Variants in CYB5R1 observed in about 807,000 individuals in gnomAD.
The protein encoded by CYB5R1 is cytochrome b5 reductase 1, also known as NADH-cytochrome b5 reductase 1.
In CYB5R1, 32 loss-of-function variants were observed where a neutral mutation model predicts 37.4. The ratio of observed to expected loss-of-function variants is 0.86; its 90% confidence interval spans 0.65 to 1.15. CYB5R1 has a LOEUF of 1.15. CYB5R1 is among the 50% of genes most tolerant of loss of function. CYB5R1 has a pLI of 0.00. For missense variants in CYB5R1, 345 were observed against 382.5 expected, an observed-to-expected ratio of 0.90 and a Z score of 0.82; for synonymous variants, 159 against 155.2, an observed-to-expected ratio of 1.02 and a Z score of -0.18.
At chr1:202,965,628 TC>T (rs2102504232) in intron 4 of CYB5R1, 128 bp from the exon 5 acceptor site, 1 of 870,638 alleles carries the variant, frequency 1.1e-6, no homozygotes, top group Non-Finnish European at 1.6e-6. Flanking sequence ...CTACATACTT[TC>T]TTTCTTTCTT....
At chr1:202,963,556 G>A in intron 7 of CYB5R1, 86 bp downstream of exon 7, 1 of 988,758 alleles carries the variant, frequency 1.0e-6, no homozygotes, top group South Asian at 1.6e-5. Context: ...CAGGGCACTG[G>A]GCCAGTTCTG....
Position 202,963,624 on chromosome 1 carries a change from G to A in CYB5R1, c.645+18C>T, listed in dbSNP as rs1371971763. On this transcript the variant is annotated intron_variant, in intron 7 of 8. Transcript: ENST00000367249. ...CACAGCAACTTTGAAGTCTTAGGGT[G>A]GAGGAAAACAAACCAACCTGGTTGG... 1 of 1,574,538 alleles carries A rather than the reference G, an allele frequency of 6.4e-7. No individual in the cohort carries two copies. The highest frequency in any genetic ancestry group is 8.7e-7 in the Non-Finnish European group (1 of 1,151,752).
In CYB5R1 at chr1:202,962,604, G is replaced by A. The variant is rs1465257097; in HGVS notation, c.841C>T (p.Pro281Ser). ...TGGCAGGCCAGCTGCACCATTGGGG[G>A]TGGCCCACAAAGCAGTACCAGCACA... ...DDVLVLLCGPPPMVQLACHPN... is the reference protein window; with the variant it reads ...DDVLVLLCGPSPMVQLACHPN... The change falls in exon 9 of 9, where the codon CCC becomes TCC. Residue 281 changes from proline to serine, a missense_variant. By Grantham distance (74) the Pro-to-Ser change is moderately conservative. Transcript: ENST00000367249. 2 of 1,614,108 alleles carry A rather than the reference G, an allele frequency of 1.2e-6. No homozygotes were observed. Among genetic ancestry groups the A allele is most frequent in the Admixed American group, 1.7e-5 (1 of 59,978 alleles).
intron 7 of CYB5R1, 124 bp from the exon 8 acceptor site, chr1:202,963,289 A>G: frequency 4.4e-6 from 3 of 678,660 alleles, no homozygotes; most frequent in Middle Eastern, 3.3e-4. Context: ...TCTAGGAAAT[A>G]AGCAAGACTT....
At position 202,963,693 on chromosome 1, in the gene CYB5R1, G is replaced by T; in HGVS notation, c.594C>A (p.Ile198=). Residue 198 remains isoleucine (I), a synonymous_variant, in exon 7 of 9, where the codon ATC becomes ATA. Coordinates refer to ENST00000367249, the MANE Select transcript of CYB5R1 (RefSeq NM_016243.3). ...ITPMLQLIRA[I]LKVPEDPTQC... ...GGGTTGGATCTTCAGGGACTTTCAG[G>T]ATGGCCCGGATCAGCTGTAGCATTG... is the stretch of plus-strand genomic sequence containing the variant. 1 of 1,610,584 alleles carries T rather than the reference G, an allele frequency of 6.2e-7. No homozygotes were observed. Among genetic ancestry groups the T allele is most frequent in the Non-Finnish European group, 8.5e-7 (1 of 1,178,274 alleles).
chr1:202,962,413 C>T lies in CYB5R1; in HGVS notation c.*114G>A, dbSNP rs985837930. 6.2e-6 allele frequency: 8 copies of T among 1,282,680 alleles called. No homozygotes were observed. The African/African-American group carries it at 1.2e-4, about 19-fold the overall frequency. 79.5% of individuals were successfully genotyped at this position (1,282,680 alleles called of 1,614,324 possible). ...TGCAGGTACTATCCAGATTTCAGCT[C>T]TAGATGTAACTGAAAAAACCTGAAA... On this transcript the variant is annotated 3_prime_UTR_variant, in exon 9 of 9. Transcript: ENST00000367249.
At chr1:202,964,511 C>T in intron 6 of CYB5R1, 101 bp downstream of exon 6, 1 of 924,858 alleles carries the variant, frequency 1.1e-6, no homozygotes, top group Non-Finnish European at 1.8e-6. Flanking sequence ...CCCTGATGAA[C>T]AACAGCTTGG....
Position 202,963,085 on chromosome 1 carries a change from A to G in CYB5R1, c.726T>C (p.Thr242=). 1 of 1,614,114 alleles carries G rather than the reference A, an allele frequency of 6.2e-7. No homozygotes were observed. The highest frequency in any genetic ancestry group is 1.1e-5 in the South Asian group (1 of 91,088). Residue 242 remains threonine (T), a synonymous_variant, in exon 8 of 9, where the codon ACT becomes ACC. Transcript: ENST00000367249. ...RYPNRFKLWF[T]LDHPPKDWAY... is the part of the protein sequence containing the mutation. ...GGATACCTTTTGGGGGATGATCCAG[A>G]GTGAACCAGAGCTTAAAGCGATTGG...
intron 1 of CYB5R1, 92 bp downstream of exon 1, chr1:202,967,087 CCTGCGGGGCGGG>C: frequency 6.7e-7 from 1 of 1,492,956 alleles, no homozygotes; most frequent in Non-Finnish European, 9.2e-7. Context: ...GGCCCAGAGC[CCTGCGGGGCGGG>C]GTCGGCAGCG....
intron 3 of CYB5R1, 90 bp from the exon 4 acceptor site, chr1:202,966,083 C>T: frequency 6.7e-6 from 6 of 890,936 alleles, no homozygotes; most frequent in Non-Finnish European, 1.1e-5. Context: ...AACAAGATGT[C>T]TTGCTTCCTG....
chr1:202,965,613 C>T, intron 4 of CYB5R1, 113 bp from the exon 5 acceptor site: 1 of 1,193,754 alleles, frequency 8.4e-7, no homozygotes, highest in Non-Finnish European at 1.2e-6. Context: ...CTATCTTTTC[C>T]CCGTCTACAT....
chr1:202,965,633 CTTTCTT>C (rs771610668), intron 4 of CYB5R1, 133 bp from the exon 5 acceptor site: 13 of 805,562 alleles, frequency 1.6e-5, no homozygotes, highest in Non-Finnish European at 2.3e-5. Flanking sequence ...TACTTTCTTT[CTTTCTT>C]TTTTTTTTTT....
At position 202,967,225 on chromosome 1, in the gene CYB5R1, C is replaced by A; in HGVS notation, c.-20G>T. On this transcript the variant is annotated 5_prime_UTR_variant, in exon 1 of 9. Transcript: ENST00000367249. ...CCCCATGACGGAGCGCCTTTTCCTC[C>A]ACCACCTGACAAGCCGACAGATCCC... 6.2e-7 allele frequency: 1 copy of A among 1,610,442 alleles called. No individual in the cohort carries two copies. The highest frequency in any genetic ancestry group is 8.5e-7 in the Non-Finnish European group (1 of 1,178,618).
chr1:202,965,662 TGCTCTTGCTGCCCAG>T (rs1655076042), intron 4 of CYB5R1, among the ~76,000 whole-genome samples, 162 bp from the exon 5 acceptor site: 1 of 151,274 alleles, frequency 6.6e-6, no homozygotes, highest in African/African-American at 2.4e-5. Flanking sequence ...GTCAGAGTTT[TGCTCTTGCTGCCCAG>T]GCTTGAGTGC....
rs761262526 is a variant in CYB5R1, at chr1:202,962,709, G to A, written c.746-10C>T. ...TTGCTGTAGGCCCAATCTGAAGTATGGGGAGAAGAAAGTACTTAATACTCC... is the reference window on the plus strand; with the variant it reads ...TTGCTGTAGGCCCAATCTGAAGTATAGGGAGAAGAAAGTACTTAATACTCC... On this transcript the variant is annotated splice_polypyrimidine_tract_variant and intron_variant, in intron 8 of 8. Transcript: ENST00000367249. 3 of 1,613,800 alleles carry A rather than the reference G, an allele frequency of 1.9e-6. No homozygotes were observed. In the African/African-American group the frequency reaches 4.0e-5, roughly 22 times the overall value.
Position 202,963,096 on chromosome 1 carries a change from G to A in CYB5R1, c.715C>T (p.Leu239Phe), listed in dbSNP as rs761540645. ...LQARYPNRFK[L>F]WFTLDHPPKD... ...GGGGGATGATCCAGAGTGAACCAGA[G>A]CTTAAAGCGATTGGGATAGCGGGCC... The change falls in exon 8 of 9, where the codon CTC becomes TTC. Residue 239 changes from leucine to phenylalanine, a missense_variant. By Grantham distance (22) the Leu-to-Phe change is conservative (BLOSUM62 0). Transcript: ENST00000367249. 2 of 1,614,160 alleles carry A rather than the reference G, an allele frequency of 1.2e-6. No homozygotes were observed. The highest frequency in any genetic ancestry group is 2.2e-5 in the East Asian group (1 of 44,886).
intron 7 of CYB5R1, chr1:202,963,411 CA>C: frequency 1.7e-6 from 1 of 593,544 alleles, no homozygotes; most frequent in Non-Finnish European, 3.0e-6. Context: ...TTCTGTGCTC[CA>C]GACTAGATAC....
chr1:202,964,415 T>G lies in CYB5R1; in HGVS notation c.559+197A>C. ...AGCTCATTTAATTTGTTTCTCTAAT[T>G]CCATCAGTTAAAATTTTTTTTGGTT... On this transcript the variant is annotated intron_variant, in intron 6 of 8. Transcript: ENST00000367249. The G allele has an allele frequency of 3.4e-6, 2 of 587,760 alleles. 1 individual carries two copies. The highest frequency in any genetic ancestry group is 4.2e-5 in the South Asian group (2 of 48,050). The allele number at this position is 587,760 out of a possible 1,614,324, so 36.4% of individuals were successfully genotyped here. A position where few individuals can be genotyped will look rare whatever the true frequency, so the allele number is the denominator to read the frequency against.
At position 202,965,514 on chromosome 1, in the gene CYB5R1, G is replaced by A. The variant is rs760264121; in HGVS notation, c.346-14C>T. ...CTTCAGGTAGACCTTACAAGACAGA[G>A]AGAAAAATACCTTATTTGGAATGTC... On this transcript the variant is annotated splice_polypyrimidine_tract_variant and intron_variant, in intron 4 of 8. Transcript: ENST00000367249. 1.9e-6 allele frequency: 3 copies of A among 1,563,516 alleles called. No homozygotes were observed. Among genetic ancestry groups the A allele is most frequent in the Non-Finnish European group, 2.6e-6 (3 of 1,160,804 alleles).
Sources: gnomAD v4.1 joint callset for allele counts (sites outside exome capture counted in the v4.1 genomes callset) on GRCh38, gnomAD v4.1.1 for gene constraint, MANE v1.5 for transcripts, NCBI Gene and HGNC (gene_info 2026-07-23, HGNC 2026-07-21) for gene names.